Variants in GPC6 observed in about 807,000 individuals in gnomAD.
GPC6 encodes the protein glypican 6, also known as glypican-6.
In GPC6, 14 loss-of-function variants were observed where a neutral mutation model predicts 55.2. The ratio of observed to expected loss-of-function variants is 0.25; its 90% CI spans 0.17 to 0.40. The LOEUF is 0.40. Ranked by LOEUF, GPC6 falls within the 10% of genes least tolerant of loss-of-function variation. The pLI is 1.00. For synonymous variants in GPC6, 278 were observed against 259.6 expected (o/e 1.07, Z -0.68); for missense variants, 641 against 708.5 (o/e 0.90, Z 1.08).
intron 4 of GPC6, among the ~76,000 whole-genome samples, chr13:94,268,968 A>T (rs1216090786): frequency 1.3e-5 from 2 of 152,206 alleles, no homozygotes; most frequent in African/African-American, 4.8e-5. Context: ...CCAGGGGCTC[A>T]TGGGCTGGGA....
rs564121803 is a variant in GPC6 at position 93,923,422 on chromosome 13, A to G, written c.711+92877A>G. ...TTGAATCTCATATTACAAAATCCCAATCTTACAGGTCACCAAAATCCCTTG... is the reference window on the plus strand; with the variant it reads ...TTGAATCTCATATTACAAAATCCCAGTCTTACAGGTCACCAAAATCCCTTG... On this transcript the variant is annotated intron_variant, in intron 3 of 8. Coordinates refer to ENST00000377047, the MANE Select transcript of GPC6 (RefSeq NM_005708.5). Among the ~76,000 whole-genome samples the G allele has an allele frequency of 7.7e-4, 117 of 152,156 alleles. 1 individual carries two copies. Among genetic ancestry groups the G allele is most frequent in the African/African-American group, 2.5e-3 (104 of 41,520 alleles).
At chr13:93,941,671 TTGAC>T (rs1378936254) in intron 3 of GPC6, among the ~76,000 whole-genome samples, 9 of 152,220 alleles carry the variant, frequency 5.9e-5, no homozygotes, top group African/African-American at 1.9e-4. Flanking sequence ...TGGAGATTCT[TTGAC>T]TGTCTTTAGA....
chr13:93,704,645 A>G (rs1882784469), intron 2 of GPC6, among the ~76,000 whole-genome samples: 1 of 151,968 alleles, frequency 6.6e-6, no homozygotes, highest in African/African-American at 2.4e-5. Flanking sequence ...CATCTGAAGA[A>G]AATACTCAAT....
At chr13:93,793,418 AAACAG>A (rs1886105793) in intron 2 of GPC6, among the ~76,000 whole-genome samples, 1 of 152,188 alleles carries the variant, frequency 6.6e-6, no homozygotes, top group African/African-American at 2.4e-5. Flanking sequence ...ACAAACAAAC[AAACAG>A]ATTTAAATAA....
At chr13:93,870,856 T>C (rs553220139) in intron 3 of GPC6, among the ~76,000 whole-genome samples, 11 of 152,002 alleles carry the variant, frequency 7.2e-5, no homozygotes, top group African/African-American at 2.6e-4. Flanking sequence ...CTGGGCTCAA[T>C]TGATCCTCCT....
At chr13:93,522,862 A>G (rs546865163) in intron 1 of GPC6, among the ~76,000 whole-genome samples, 16 of 152,016 alleles carry the variant, frequency 1.1e-4, no homozygotes, top group African/African-American at 3.9e-4. Context: ...CTCCTATCTG[A>G]ATTGCTACTT....
intron 2 of GPC6, among the ~76,000 whole-genome samples, chr13:93,788,978 G>T (rs980416371): frequency 6.6e-6 from 1 of 152,098 alleles, no homozygotes; most frequent in African/African-American, 2.4e-5. Context: ...AGAGTAGCAG[G>T]CAAGATAGAG....
intron 1 of GPC6, among the ~76,000 whole-genome samples, chr13:93,362,101 A>G (rs928244536): frequency 7.9e-5 from 12 of 152,208 alleles, no homozygotes; most frequent in Non-Finnish European, 1.5e-4. Context: ...TTTGGGGTTC[A>G]TTAGTTCTAT....
Position 93,951,508 on chromosome 13 carries a change from T to C in GPC6, c.712-76221T>C, listed in dbSNP as rs190820232. ...TGAATGCTTAAACAAACAAAAAATATCCAGACCTATACATTTTATTTATTT... is the reference window on the plus strand; with the variant it reads ...TGAATGCTTAAACAAACAAAAAATACCCAGACCTATACATTTTATTTATTT... On this transcript the variant is annotated intron_variant, in intron 3 of 8. Coordinates refer to ENST00000377047, the MANE Select transcript of GPC6 (RefSeq NM_005708.5). Among the ~76,000 whole-genome samples the C allele has an allele frequency of 2.3e-3, 348 of 152,272 alleles. 2 individuals carry two copies. The highest frequency in any genetic ancestry group is 8.9e-3 in the East Asian group (46 of 5,172).
At chr13:93,395,256 C>A in intron 1 of GPC6, 1 of 467,892 alleles carries the variant, frequency 2.1e-6, no homozygotes, top group East Asian at 4.9e-5. Flanking sequence ...GCACAACCAC[C>A]ACTAAAGTTT....
chr13:94,071,309 A>T (rs1594712692), intron 4 of GPC6, among the ~76,000 whole-genome samples: 1 of 152,226 alleles, frequency 6.6e-6, no homozygotes, highest in African/African-American at 2.4e-5. Context: ...AGAATAAAGC[A>T]TGTGGTGTAT....
At chr13:93,892,896 C>T (rs1164321082) in intron 3 of GPC6, among the ~76,000 whole-genome samples, 1 of 152,044 alleles carries the variant, frequency 6.6e-6, no homozygotes, top group East Asian at 1.9e-4. Flanking sequence ...CATGTGTGAA[C>T]ATATTTATGA....
chr13:94,391,571 G>A (rs549986432), intron 7 of GPC6, among the ~76,000 whole-genome samples: 48 of 152,110 alleles, frequency 3.2e-4, no homozygotes, highest in African/African-American at 9.9e-4. Flanking sequence ...AAAATGGAAA[G>A]GGAAAAAAGT....
rs34852109 is a variant in GPC6 at position 93,386,098 on chromosome 13, TA to T, written c.160+158501del. ...AGGGGGAATGGAATGACCACTTTGT[TA>T]AAAAAAAAAAAAAAAAAAGCCCACC... On this transcript the variant is annotated intron_variant, in intron 1 of 8. Coordinates refer to ENST00000377047, the MANE Select transcript of GPC6 (RefSeq NM_005708.5). 9.9e-3 allele frequency among the ~76,000 whole-genome samples: 1,261 copies of T among 127,730 alleles called. 15 individuals are homozygous for T. The highest frequency in any genetic ancestry group is 0.031 in the African/African-American group (1,063 of 34,562). The allele number at this position is 127,730 out of a possible 152,430, so 83.8% of individuals were successfully genotyped here.
intron 4 of GPC6, among the ~76,000 whole-genome samples, chr13:94,165,009 G>A (rs2138919553): frequency 6.6e-6 from 1 of 151,884 alleles, no homozygotes; most frequent in East Asian, 1.9e-4. Context: ...AGAACTAAAA[G>A]TAGAACTACC....
At chr13:93,676,164 T>TATATAC (rs1566481813) in intron 2 of GPC6, among the ~76,000 whole-genome samples, 1 of 31,292 alleles carries the variant, frequency 3.2e-5, no homozygotes, top group East Asian at 6.1e-4. Flanking sequence ...TATATATATA[T>TATATAC]ATATACATAC....
chr13:93,673,093 G>A (rs1217355715), intron 2 of GPC6, among the ~76,000 whole-genome samples: 2 of 152,154 alleles, frequency 1.3e-5, no homozygotes, highest in Non-Finnish European at 2.9e-5. Flanking sequence ...AGACTGAAAA[G>A]TTAGTAGTGA....
chr13:93,633,062 A>G (rs1274050956), intron 2 of GPC6, among the ~76,000 whole-genome samples: 3 of 152,136 alleles, frequency 2.0e-5, no homozygotes, highest in Non-Finnish European at 4.4e-5. Flanking sequence ...TCCTTTTCCA[A>G]TTTATAATTT....
rs578251967 is a variant in GPC6 at position 93,893,305 on chromosome 13, T to G, written c.711+62760T>G. On this transcript the variant is annotated intron_variant, in intron 3 of 8. Transcript: ENST00000377047. ...AACTCCTGACCTCAGGTGATCCGCCTCGGCCTCCCAAGGTGATAGGATTTA... is the reference window on the plus strand; with the variant it reads ...AACTCCTGACCTCAGGTGATCCGCCGCGGCCTCCCAAGGTGATAGGATTTA... Among the ~76,000 whole-genome samples the G allele has an allele frequency of 3.9e-5, 6 of 152,214 alleles. No homozygotes were observed. The South Asian group carries it at 1.0e-3, about 26-fold the overall frequency.
Sources: allele counts gnomAD v4.1 joint callset (sites outside exome capture counted in the v4.1 genomes callset), GRCh38; gene constraint gnomAD v4.1.1; transcripts MANE v1.5; gene names NCBI Gene and HGNC (gene_info 2026-07-23, HGNC 2026-07-21).